Variants in TMEM177 observed in about 807,000 individuals in gnomAD.
TMEM177 encodes transmembrane protein 177.
TMEM177 carries 4 observed loss-of-function variants against 14.2 expected under a neutral mutation model. The ratio of observed to expected loss-of-function variants is 0.28; its 90% CI spans 0.14 to 0.64. The LOEUF (loss-of-function observed/expected upper bound fraction) is 0.64, where lower values mean the gene tolerates loss of function less well. Among genes scored for constraint, TMEM177 ranks in the 30% least tolerant of loss-of-function variants. The pLI, the probability that TMEM177 is intolerant of heterozygous loss-of-function variation, is 0.82. For synonymous variants in TMEM177, 179 were observed against 174.5 expected (o/e 1.03, Z -0.20); for missense variants, 344 against 405.2 (o/e 0.85, Z 1.30).
the TMEM177 span, among the ~76,000 whole-genome samples, chr2:119,722,440 G>C: frequency 6.6e-6 from 1 of 151,828 alleles, no homozygotes; most frequent in East Asian, 1.9e-4. Flanking sequence ...ATAAATAATG[G>C]AAGTTAGAAA....
the TMEM177 span, among the ~76,000 whole-genome samples, chr2:119,692,396 G>A: frequency 4.3e-3 from 649 of 152,346 alleles, 5 homozygotes; most frequent in Non-Finnish European, 7.3e-3. Context: ...TCCAGCCAGT[G>A]TGAAGGCCTG....
chr2:119,698,874 G>A, the TMEM177 span, among the ~76,000 whole-genome samples: 1 of 152,152 alleles, frequency 6.6e-6, no homozygotes, highest in African/African-American at 2.4e-5. Context: ...GTGGGCACCT[G>A]TAATCCCAGC....
At chr2:119,689,584 T>C (rs995165000), downstream of TMEM177, among the ~76,000 whole-genome samples, 4 of 152,208 alleles carry the variant, frequency 2.6e-5, no homozygotes, top group African/African-American at 9.6e-5. Context: ...ATCTTACAGG[T>C]AGGGAAATCA....
In TMEM177 at chr2:119,681,773, A is replaced by G; in HGVS notation, c.920A>G (p.Asn307Ser). The G allele has an allele frequency of 1.2e-6, 2 of 1,613,268 alleles. No homozygotes were observed. The highest frequency in any genetic ancestry group is 1.7e-6 in the Non-Finnish European group (2 of 1,179,486). Reference protein sequence around the residue: ...SVLQMWRGMLNPGRS With the variant: ...SVLQMWRGMLSPGRS Reference sequence around the variant, plus strand: ...CTGCAGATGTGGAGGGGGATGCTCAATCCGGGCCGCTCCTGATGGGCTCAT... The same window carrying G: ...CTGCAGATGTGGAGGGGGATGCTCAGTCCGGGCCGCTCCTGATGGGCTCAT... The change falls in exon 2 of 2, where the codon AAT becomes AGT. Residue 307 changes from asparagine to serine, a missense_variant. Transcript: ENST00000272521.
At chr2:119,712,724 CTGCT>C in the TMEM177 span, among the ~76,000 whole-genome samples, 3 of 152,186 alleles carry the variant, frequency 2.0e-5, no homozygotes, top group Non-Finnish European at 4.4e-5. Context: ...GAAAGTTGGT[CTGCT>C]TTTTATTACC....
At chr2:119,721,639 T>G in the TMEM177 span, among the ~76,000 whole-genome samples, 1 of 152,168 alleles carries the variant, frequency 6.6e-6, no homozygotes, top group Non-Finnish European at 1.5e-5. Context: ...CCCTTTAACG[T>G]GTGGAGTCTC....
chr2:119,722,425 G>A, the TMEM177 span, among the ~76,000 whole-genome samples: 1 of 151,614 alleles, frequency 6.6e-6, no homozygotes, highest in Non-Finnish European at 1.5e-5. Context: ...GAAAGGGAAG[G>A]GAAAATAAAT....
the TMEM177 span, among the ~76,000 whole-genome samples, chr2:119,705,990 A>AT: frequency 2.1e-4 from 3 of 14,606 alleles, no homozygotes; most frequent in Non-Finnish European, 2.5e-4. Context: ...CTCTCTATAT[A>AT]TATATATTAT....
downstream of TMEM177, chr2:119,685,664 G>T: frequency 2.8e-6 from 2 of 717,724 alleles, no homozygotes; most frequent in Non-Finnish European, 2.6e-6. Context: ...ACAGGAAAGG[G>T]AACATCACAG....
At chr2:119,690,124 G>A (rs1440775253), downstream of TMEM177, among the ~76,000 whole-genome samples, 1 of 152,192 alleles carries the variant, frequency 6.6e-6, no homozygotes, top group Admixed American at 6.5e-5. Context: ...CAGTGTTGGA[G>A]GTGGGGCCTG....
At chr2:119,688,992 C>T (rs992431535), downstream of TMEM177, among the ~76,000 whole-genome samples, 4 of 152,006 alleles carry the variant, frequency 2.6e-5, no homozygotes, top group East Asian at 1.9e-4. Context: ...GACTGTGGCT[C>T]GAGAACTCCC....
the TMEM177 span, among the ~76,000 whole-genome samples, chr2:119,701,636 C>A: frequency 1.3e-5 from 2 of 152,242 alleles, no homozygotes; most frequent in South Asian, 4.1e-4. Flanking sequence ...GTTCACCTTG[C>A]TGGCTGCCTA....
chr2:119,700,956 G>A, the TMEM177 span, among the ~76,000 whole-genome samples: 3 of 152,202 alleles, frequency 2.0e-5, no homozygotes, highest in African/African-American at 4.8e-5. Context: ...CAGGGAGGAC[G>A]CTGTCCCTAA....
downstream of TMEM177, among the ~76,000 whole-genome samples, chr2:119,688,286 G>A (rs1689046734): frequency 6.6e-6 from 1 of 152,124 alleles, no homozygotes; most frequent in Admixed American, 6.5e-5. Context: ...GTGTTATAGG[G>A]GAATTTTAAG....
the TMEM177 span, among the ~76,000 whole-genome samples, chr2:119,713,613 G>T: frequency 1.3e-5 from 2 of 152,166 alleles, no homozygotes; most frequent in African/African-American, 4.8e-5. Flanking sequence ...CCCGAGGCAG[G>T]AGGATCACTC....
the TMEM177 span, among the ~76,000 whole-genome samples, chr2:119,701,730 TTTTA>T: frequency 6.6e-6 from 1 of 151,688 alleles, no homozygotes; most frequent in Non-Finnish European, 1.5e-5. Flanking sequence ...AGACCGGGAG[TTTTA>T]TTATTACTGA....
the TMEM177 span, among the ~76,000 whole-genome samples, chr2:119,711,998 A>G: frequency 1.3e-5 from 2 of 152,120 alleles, no homozygotes; most frequent in South Asian, 2.1e-4. Flanking sequence ...TTCCACGTGC[A>G]TGGTCCTGAG....
At chr2:119,696,986 C>T in the TMEM177 span, among the ~76,000 whole-genome samples, 5 of 152,166 alleles carry the variant, frequency 3.3e-5, no homozygotes, top group Admixed American at 1.3e-4. Flanking sequence ...CCAGCTACTC[C>T]GGTCTCTGAG....
downstream of TMEM177, among the ~76,000 whole-genome samples, chr2:119,684,834 G>A (rs1688984001): frequency 6.6e-6 from 1 of 152,136 alleles, no homozygotes; most frequent in African/African-American, 2.4e-5. Flanking sequence ...TAGGGCACCA[G>A]GGACCCTGGC....
Sources: allele counts gnomAD v4.1 joint callset (sites outside exome capture counted in the v4.1 genomes callset), GRCh38; gene constraint gnomAD v4.1.1; transcripts MANE v1.5; gene names NCBI Gene and HGNC (gene_info 2026-07-23, HGNC 2026-07-21).